ICA1L: variants seen among roughly 807,000 people sequenced by gnomAD.
ICA1L encodes islet cell autoantigen 1-like protein.
Under a neutral mutation model 61.3 loss-of-function variants are expected in ICA1L, and 50 were observed. The observed-to-expected ratio is 0.82, with a 90% CI of 0.65 to 1.03. The LOEUF (loss-of-function observed/expected upper bound fraction) is 1.03. Ranked by LOEUF, ICA1L falls within the 50% of genes least tolerant of loss-of-function variation. ICA1L has a pLI of 0.00. For synonymous variants in ICA1L, 161 were observed against 191.3 expected (o/e 0.84, Z 1.31); for missense variants, 508 against 556.7 (o/e 0.91, Z 0.88).
At chr2:202,819,922 C>G in intron 4 of ICA1L, 23 bp from the exon 5 acceptor site, 1 of 1,583,028 alleles carries the variant, frequency 6.3e-7, no homozygotes, top group Non-Finnish European at 8.7e-7. Flanking sequence ...AGGTAAAAAT[C>G]AGAGGGTTGA....
intron 1 of ICA1L, among the ~76,000 whole-genome samples, chr2:202,867,789 G>T (rs1477400772): frequency 6.6e-6 from 1 of 151,990 alleles, no homozygotes; most frequent in Non-Finnish European, 1.5e-5. Context: ...ATATAAAATG[G>T]GTATAACCAC....
At chr2:202,826,854 C>G (rs2105857671) in intron 2 of ICA1L, among the ~76,000 whole-genome samples, 1 of 152,026 alleles carries the variant, frequency 6.6e-6, no homozygotes, top group East Asian at 1.9e-4. Flanking sequence ...ATATTAAGCC[C>G]TAACCCTTTT....
chr2:202,858,112 A>G (rs1436066380), intron 1 of ICA1L, among the ~76,000 whole-genome samples: 1 of 152,198 alleles, frequency 6.6e-6, no homozygotes, highest in Non-Finnish European at 1.5e-5. Flanking sequence ...CAGCAATCTC[A>G]TTACTTGGTA....
At position 202,774,117 on chromosome 2, in the gene ICA1L, T is replaced by C; in HGVS notation, c.*5416A>G. 7.8e-7 allele frequency: 1 copy of C among 1,284,760 alleles called. No homozygotes were observed. The highest frequency in any genetic ancestry group is 1.1e-6 in the Non-Finnish European group (1 of 907,200). 79.6% of individuals were successfully genotyped at this position (1,284,760 alleles called of 1,614,324 possible). ...ATCCCATCAATGATTGGATAAGCTATTCTCAACTCTTCATTAATCAATTCA... is the reference window on the plus strand; with the variant it reads ...ATCCCATCAATGATTGGATAAGCTACTCTCAACTCTTCATTAATCAATTCA... On this transcript the variant is annotated 3_prime_UTR_variant, in exon 13 of 13. Transcript: ENST00000358299.
At chr2:202,785,220 TAAA>T (rs559242608) in intron 12 of ICA1L, among the ~76,000 whole-genome samples, 3 of 120,260 alleles carry the variant, frequency 2.5e-5, no homozygotes, top group Non-Finnish European at 3.6e-5. Flanking sequence ...CTGTCTCAAT[TAAA>T]AAAAAAAAAA....
intron 9 of ICA1L, among the ~76,000 whole-genome samples, chr2:202,811,532 G>T (rs1693378165): frequency 6.6e-6 from 1 of 151,700 alleles, no homozygotes; most frequent in Admixed American, 6.6e-5. Flanking sequence ...CATGGTGGCA[G>T]GCACCTGTAG....
intron 9 of ICA1L, among the ~76,000 whole-genome samples, chr2:202,800,129 C>T (rs1019384470): frequency 6.6e-6 from 1 of 152,032 alleles, no homozygotes; most frequent in African/African-American, 2.4e-5. Context: ...GATCTGCCCG[C>T]CTTGGCCTCC....
At chr2:202,821,637 C>T (rs1341945830) in intron 3 of ICA1L, 156 bp from the exon 4 acceptor site, 6 of 514,088 alleles carry the variant, frequency 1.2e-5, no homozygotes, top group Non-Finnish European at 2.0e-5. Flanking sequence ...TCCTGGGCTC[C>T]ATTTCCAGAG....
intron 1 of ICA1L, among the ~76,000 whole-genome samples, chr2:202,848,515 T>C (rs1322058023): frequency 6.6e-6 from 1 of 152,196 alleles, no homozygotes; most frequent in African/African-American, 2.4e-5. Flanking sequence ...CAAATTAGTC[T>C]TTAGCTGCTT....
intron 12 of ICA1L, among the ~76,000 whole-genome samples, chr2:202,781,938 C>T (rs943183564): frequency 6.6e-6 from 1 of 152,140 alleles, no homozygotes; most frequent in Admixed American, 6.5e-5. Flanking sequence ...TTTTCTGTTT[C>T]ATTTTAGCCA....
At chr2:202,858,494 G>C (rs1374522873) in intron 1 of ICA1L, among the ~76,000 whole-genome samples, 1 of 152,164 alleles carries the variant, frequency 6.6e-6, no homozygotes, top group Non-Finnish European at 1.5e-5. Context: ...AGGAGAGGGA[G>C]AGCATTAGGA....
At chr2:202,871,538 A>G (rs1687716523) in intron 1 of ICA1L, 81 bp downstream of exon 1, 2 of 151,990 alleles carry the variant, frequency 1.3e-5, no homozygotes. Flanking sequence ...CGGCGTCGCC[A>G]TGGGAACCCG....
chr2:202,780,853 T>G (rs1692380084), intron 12 of ICA1L, among the ~76,000 whole-genome samples: 1 of 152,176 alleles, frequency 6.6e-6, no homozygotes, highest in South Asian at 2.1e-4. Flanking sequence ...TGAGTAATAC[T>G]GGGCAAGTCA....
chr2:202,835,550 ATT>A (rs35895700), intron 1 of ICA1L, among the ~76,000 whole-genome samples: 3 of 143,662 alleles, frequency 2.1e-5, no homozygotes, highest in Admixed American at 7.0e-5. Context: ...AATGCTACTG[ATT>A]TTTTTTTTTT....
At chr2:202,814,577 T>G in intron 8 of ICA1L, 125 bp downstream of exon 8, 1 of 664,590 alleles carries the variant, frequency 1.5e-6, no homozygotes, top group Non-Finnish European at 2.7e-6. Flanking sequence ...AAATGTTTAG[T>G]GTTGATTGGA....
chr2:202,851,162 TC>T (rs1694607786), intron 1 of ICA1L, among the ~76,000 whole-genome samples: 2 of 134,864 alleles, frequency 1.5e-5, no homozygotes, highest in East Asian at 5.1e-4. Context: ...CCCTCCCCAC[TC>T]CCCCCACCCC....
intron 3 of ICA1L, among the ~76,000 whole-genome samples, chr2:202,823,401 T>C (rs1391686390): frequency 6.6e-6 from 1 of 152,200 alleles, no homozygotes; most frequent in African/African-American, 2.4e-5. Context: ...TGTGTTTCCC[T>C]TCCTTATTCT....
intron 1 of ICA1L, among the ~76,000 whole-genome samples, chr2:202,854,995 C>A (rs1373867550): frequency 6.6e-6 from 1 of 152,080 alleles, no homozygotes; most frequent in East Asian, 1.9e-4. Flanking sequence ...AAAAGAAACT[C>A]ACTCAAAACC....
chr2:202,857,911 C>T (rs781390638), intron 1 of ICA1L, among the ~76,000 whole-genome samples: 4 of 152,090 alleles, frequency 2.6e-5, no homozygotes, highest in Non-Finnish European at 5.9e-5. Flanking sequence ...AAATCAATAC[C>T]ACAGTGAGAT....
Sources: allele counts gnomAD v4.1 joint callset (sites outside exome capture counted in the v4.1 genomes callset), GRCh38; gene constraint gnomAD v4.1.1; transcripts MANE v1.5; gene names NCBI Gene and HGNC (gene_info 2026-07-23, HGNC 2026-07-21).